The following ENPP6 variants were observed in gnomAD, a reference collection of about 807,000 sequenced individuals.
ENPP6 encodes ectonucleotide pyrophosphatase/phosphodiesterase 6, also known as glycerophosphocholine cholinephosphodiesterase ENPP6.
In ENPP6, 32 loss-of-function variants were observed where a neutral mutation model predicts 42.0. That is an observed-to-expected ratio of 0.76 (90% confidence interval 0.58 to 1.02). The LOEUF is 1.02. ENPP6 is among the 50% of genes least tolerant of loss of function. The probability of loss-of-function intolerance (pLI) is 0.00; values close to 1 mark genes in which losing one functional copy is unlikely to be tolerated. For missense variants in ENPP6, 552 were observed against 566.8 expected, an observed-to-expected ratio of 0.97 and a Z score of 0.27; for synonymous variants, 213 against 216.0, an observed-to-expected ratio of 0.99 and a Z score of 0.12.
intron 7 of ENPP6, among the ~76,000 whole-genome samples, chr4:184,095,372 A>C (rs1735882431): frequency 6.6e-6 from 1 of 152,028 alleles, no homozygotes. Flanking sequence ...AATATTCCTG[A>C]GACTCGGCTG....
intron 2 of ENPP6, among the ~76,000 whole-genome samples, chr4:184,149,535 G>T (rs1318107722): frequency 6.6e-6 from 1 of 152,100 alleles, no homozygotes; most frequent in Non-Finnish European, 1.5e-5. Flanking sequence ...TGTCTTATTG[G>T]TCTGAAGGCC....
chr4:184,153,494 C>T lies in ENPP6; in HGVS notation c.421+60G>A, dbSNP rs547815637. The T allele has an allele frequency of 2.3e-4, 353 of 1,505,450 alleles. No individual in the cohort carries two copies. In the South Asian group the frequency reaches 4.1e-3, roughly 17 times the overall value. The allele number at this position is 1,505,450 out of a possible 1,614,324, so 93.3% of individuals were successfully genotyped here. A position where few individuals can be genotyped will look rare whatever the true frequency, so the allele number is the denominator to read the frequency against. On this transcript the variant is annotated intron_variant, in intron 2 of 7. Coordinates refer to ENST00000296741, the MANE Select transcript of ENPP6 (RefSeq NM_153343.4). Reference sequence around the variant, plus strand: ...TGGTCTTCAAACAGTAACTTGACACCGACTGTCCTCAGAGACTCTATGATG... The same window carrying T: ...TGGTCTTCAAACAGTAACTTGACACTGACTGTCCTCAGAGACTCTATGATG...
At chr4:184,176,873 G>T (rs141181688) in intron 1 of ENPP6, among the ~76,000 whole-genome samples, 1 of 152,202 alleles carries the variant, frequency 6.6e-6, no homozygotes, top group Admixed American at 6.5e-5. Context: ...GGCCTTGTGA[G>T]ACTCTGTCTC....
chr4:184,127,416 T>C (rs1736522139), intron 2 of ENPP6, among the ~76,000 whole-genome samples: 1 of 151,894 alleles, frequency 6.6e-6, no homozygotes, highest in Non-Finnish European at 1.5e-5. Context: ...TTAAGACAAG[T>C]AAAAAAACAG....
chr4:184,217,685 C>T lies in ENPP6; in HGVS notation c.135G>A (p.Glu45=). 1 of 1,614,232 alleles carries T rather than the reference C, an allele frequency of 6.2e-7. No individual in the cohort carries two copies. Among genetic ancestry groups the T allele is most frequent in the South Asian group, 1.1e-5 (1 of 91,088 alleles). ...CAATCTCTTTGAAACCAGGCAATGACTCCAGCGCCTCATCACTGATGTAGT... is the reference window on the plus strand; with the variant it reads ...CAATCTCTTTGAAACCAGGCAATGATTCCAGCGCCTCATCACTGATGTAGT... ...RSDYISDEAL[E]SLPGFKEIVS... Residue 45 remains glutamate (E), a synonymous_variant, in exon 1 of 8, where the codon GAG becomes GAA. Coordinates refer to ENST00000296741, the MANE Select transcript of ENPP6 (RefSeq NM_153343.4).
chr4:184,117,964 C>T (rs1305755233), intron 3 of ENPP6, 64 bp from the exon 4 acceptor site: 1 of 1,561,980 alleles, frequency 6.4e-7, no homozygotes, highest in African/African-American at 1.3e-5. Context: ...CCCTTATCAC[C>T]CCCATAGCAC....
At chr4:184,107,712 G>A (rs1189717588) in intron 6 of ENPP6, among the ~76,000 whole-genome samples, 1 of 152,180 alleles carries the variant, frequency 6.6e-6, no homozygotes. Context: ...TCAGGAGATC[G>A]AGAACATCCT....
intron 1 of ENPP6, among the ~76,000 whole-genome samples, chr4:184,172,920 T>C (rs1737493413): frequency 6.6e-6 from 1 of 152,150 alleles, no homozygotes; most frequent in Non-Finnish European, 1.5e-5. Flanking sequence ...TGTTTGTTTG[T>C]GTGTTTTAAT....
chr4:184,139,133 G>A (rs1736778203), intron 2 of ENPP6, among the ~76,000 whole-genome samples: 1 of 152,200 alleles, frequency 6.6e-6, no homozygotes, highest in Non-Finnish European at 1.5e-5. Flanking sequence ...CGTCTCTGCA[G>A]AATGGTCTCT....
intron 1 of ENPP6, among the ~76,000 whole-genome samples, chr4:184,194,953 C>T (rs1732771952): frequency 6.6e-6 from 1 of 152,162 alleles, no homozygotes; most frequent in Non-Finnish European, 1.5e-5. Context: ...AAAAAGACGC[C>T]CCACACCTAA....
chr4:184,175,127 C>A (rs547949895), intron 1 of ENPP6, among the ~76,000 whole-genome samples: 3 of 152,148 alleles, frequency 2.0e-5, no homozygotes, highest in African/African-American at 7.2e-5. Context: ...GCCCAGTGCC[C>A]CACCTTGTGT....
At position 184,132,170 on chromosome 4, in the gene ENPP6, A is replaced by G. The variant is rs553787471; in HGVS notation, c.422-7898T>C. On this transcript the variant is annotated intron_variant, in intron 2 of 7. Coordinates refer to ENST00000296741, the MANE Select transcript of ENPP6 (RefSeq NM_153343.4). ...TGATGCAAACGTCAATCTCAACTGG[A>G]AACCCCCAACAGAAACACACAGAAA... Among the ~76,000 whole-genome samples the G allele has an allele frequency of 2.0e-5, 3 of 152,306 alleles. No homozygotes were observed. The South Asian group carries it at 6.2e-4, about 32-fold the overall frequency.
intron 1 of ENPP6, among the ~76,000 whole-genome samples, chr4:184,162,584 G>GA (rs1737284667): frequency 6.6e-6 from 1 of 151,702 alleles, no homozygotes; most frequent in Non-Finnish European, 1.5e-5. Flanking sequence ...AGAAAGGAAG[G>GA]AAGAGAGGGA....
chr4:184,210,021 C>T (rs1263103037), intron 1 of ENPP6, among the ~76,000 whole-genome samples: 1 of 150,010 alleles, frequency 6.7e-6, no homozygotes, highest in Non-Finnish European at 1.5e-5. Context: ...AAATACTTTA[C>T]AGACAAGCAA....
intron 1 of ENPP6, among the ~76,000 whole-genome samples, chr4:184,180,718 A>G (rs1019196602): frequency 6.6e-6 from 1 of 152,242 alleles, no homozygotes; most frequent in African/African-American, 2.4e-5. Flanking sequence ...ACACAAATCA[A>G]TAAATATAAT....
chr4:184,204,600 C>T (rs1403010994), intron 1 of ENPP6, among the ~76,000 whole-genome samples: 1 of 152,216 alleles, frequency 6.6e-6, no homozygotes, highest in East Asian at 1.9e-4. Flanking sequence ...ACCACTGGTT[C>T]CTGGTTAAAC....
At chr4:184,122,327 C>A (rs1262674473) in intron 3 of ENPP6, among the ~76,000 whole-genome samples, 1 of 152,028 alleles carries the variant, frequency 6.6e-6, no homozygotes, top group Admixed American at 6.6e-5. Context: ...TAGCTGGGGA[C>A]CCTTTCCTGG....
intron 1 of ENPP6, among the ~76,000 whole-genome samples, chr4:184,188,465 C>T (rs1048702004): frequency 3.9e-5 from 6 of 152,284 alleles, no homozygotes; most frequent in African/African-American, 1.4e-4. Flanking sequence ...GTCCCACGCT[C>T]TGCTTGAGTC....
At chr4:184,098,559 G>A (rs1011912832) in intron 6 of ENPP6, among the ~76,000 whole-genome samples, 2 of 152,158 alleles carry the variant, frequency 1.3e-5, no homozygotes, top group Non-Finnish European at 2.9e-5. Flanking sequence ...ACTGGAAGAT[G>A]GCACCTTTGC....
Sources: gnomAD v4.1 joint callset for allele counts (sites outside exome capture counted in the v4.1 genomes callset) on GRCh38, gnomAD v4.1.1 for gene constraint, MANE v1.5 for transcripts, NCBI Gene and HGNC (gene_info 2026-07-23, HGNC 2026-07-21) for gene names.